The following STARD13 variants were observed in gnomAD, a reference collection of about 807,000 sequenced individuals.
The protein encoded by STARD13 is stAR-related lipid transfer protein 13.
A neutral mutation model predicts 106.4 loss-of-function variants in STARD13; 62 were observed. The ratio of observed to expected loss-of-function variants is 0.58; its 90% confidence interval spans 0.48 to 0.72. The LOEUF (loss-of-function observed/expected upper bound fraction) is 0.72. Among genes scored for constraint, STARD13 ranks in the 30% least tolerant of loss-of-function variants. STARD13 has a pLI of 0.00. For synonymous variants in STARD13, 565 were observed against 553.0 expected (o/e 1.02, Z -0.31); for missense variants, 1,387 against 1,424.0 (o/e 0.97, Z 0.42).
chr13:33,115,131 C>T (rs549964030), intron 8 of STARD13, among the ~76,000 whole-genome samples: 1 of 152,284 alleles, frequency 6.6e-6, no homozygotes, highest in East Asian at 1.9e-4. Flanking sequence ...TTCTATCCTT[C>T]TCCCTCCTCC....
At chr13:33,518,443 C>T in the STARD13 span, among the ~76,000 whole-genome samples, 2 of 152,076 alleles carry the variant, frequency 1.3e-5, no homozygotes, top group East Asian at 1.9e-4. Flanking sequence ...AGATAACATT[C>T]GTGCAGCTCA....
the STARD13 span, among the ~76,000 whole-genome samples, chr13:33,618,252 TATCA>T: frequency 6.6e-6 from 1 of 152,220 alleles, no homozygotes; most frequent in Non-Finnish European, 1.5e-5. Flanking sequence ...CTGAAAAATC[TATCA>T]ATCAACTCTA....
the STARD13 span, among the ~76,000 whole-genome samples, chr13:33,662,059 G>A: frequency 9.9e-5 from 15 of 152,100 alleles, no homozygotes; most frequent in Non-Finnish European, 1.5e-4. Context: ...TCAGGAGATC[G>A]AGACCATCCT....
At chr13:33,650,853 A>G in the STARD13 span, among the ~76,000 whole-genome samples, 1 of 152,266 alleles carries the variant, frequency 6.6e-6, no homozygotes, top group Non-Finnish European at 1.5e-5. Flanking sequence ...CCTTTCTACC[A>G]TGTGAGGACA....
chr13:33,122,775 C>A (rs1876539212), intron 7 of STARD13, among the ~76,000 whole-genome samples: 1 of 152,134 alleles, frequency 6.6e-6, no homozygotes. Flanking sequence ...AAGGACTCAG[C>A]TGGGCACAGT....
the STARD13 span, among the ~76,000 whole-genome samples, chr13:33,493,856 GC>G: frequency 6.6e-6 from 1 of 152,098 alleles, no homozygotes; most frequent in East Asian, 1.9e-4. Context: ...GTTGTTGGCT[GC>G]ACCCAAGGTC....
chr13:33,428,271 G>A, the STARD13 span, among the ~76,000 whole-genome samples: 5 of 152,106 alleles, frequency 3.3e-5, no homozygotes, highest in African/African-American at 1.2e-4. Flanking sequence ...TCTATGCAAG[G>A]ATTTTTTTGA....
the STARD13 span, among the ~76,000 whole-genome samples, chr13:33,614,208 C>A: frequency 6.6e-6 from 1 of 151,808 alleles, no homozygotes; most frequent in African/African-American, 2.4e-5. Context: ...AACCAGAGCT[C>A]CAGTGCTCCA....
chr13:33,529,058 T>C, the STARD13 span, among the ~76,000 whole-genome samples: 1 of 152,126 alleles, frequency 6.6e-6, no homozygotes, highest in Non-Finnish European at 1.5e-5. Flanking sequence ...ACACAAGATA[T>C]TGACAGAACT....
the STARD13 span, among the ~76,000 whole-genome samples, chr13:33,597,991 C>A: frequency 2.1e-3 from 326 of 152,194 alleles, 1 homozygote; most frequent in African/African-American, 7.4e-3. Context: ...TAAGTGAGTG[C>A]CTGAATGATG....
the STARD13 span, among the ~76,000 whole-genome samples, chr13:33,669,724 C>T: frequency 6.6e-6 from 1 of 151,626 alleles, no homozygotes; most frequent in East Asian, 2.0e-4. Context: ...TTAATAGAGA[C>T]TGGGTTTCAT....
At chr13:33,121,681 T>TTTTC (rs1876337493) in intron 7 of STARD13, among the ~76,000 whole-genome samples, 1 of 147,934 alleles carries the variant, frequency 6.8e-6, no homozygotes, top group Non-Finnish European at 1.5e-5. Flanking sequence ...TTTTTTTTTT[T>TTTTC]TTTTTTGAGA....
At chr13:33,347,540 C>A (rs1051415780), downstream of STARD13, among the ~76,000 whole-genome samples, 4 of 152,212 alleles carry the variant, frequency 2.6e-5, no homozygotes, top group African/African-American at 9.6e-5. Flanking sequence ...AGCCACCACG[C>A]CTGACTGCTG....
At chr13:33,533,328 C>T in the STARD13 span, among the ~76,000 whole-genome samples, 1 of 152,132 alleles carries the variant, frequency 6.6e-6, no homozygotes, top group East Asian at 1.9e-4. Context: ...TAGCAGGTCT[C>T]AGCAGTGGGA....
chr13:33,634,766 G>T, the STARD13 span, among the ~76,000 whole-genome samples: 1 of 152,126 alleles, frequency 6.6e-6, no homozygotes, highest in Non-Finnish European at 1.5e-5. Context: ...TCGCTTGGTT[G>T]AATTACCCCA....
chr13:33,542,760 G>A, the STARD13 span, among the ~76,000 whole-genome samples: 1 of 152,246 alleles, frequency 6.6e-6, no homozygotes, highest in Non-Finnish European at 1.5e-5. Context: ...CGAGCGCAAA[G>A]GAAGGGATCC....
chr13:33,484,583 C>T, the STARD13 span, among the ~76,000 whole-genome samples: 1 of 152,074 alleles, frequency 6.6e-6, no homozygotes, highest in Non-Finnish European at 1.5e-5. Flanking sequence ...GCACCCATTC[C>T]CTAGCCCTGA....
chr13:33,642,402 T>C, the STARD13 span, among the ~76,000 whole-genome samples: 1 of 152,234 alleles, frequency 6.6e-6, no homozygotes, highest in East Asian at 1.9e-4. Flanking sequence ...TTGGTGGGCC[T>C]GGAGCAAAGC....
intron 1 of STARD13, among the ~76,000 whole-genome samples, chr13:33,290,875 A>C (rs577302372): frequency 3.3e-5 from 5 of 152,210 alleles, no homozygotes; most frequent in Non-Finnish European, 7.4e-5. Flanking sequence ...TCTTCCACCC[A>C]TGAGACTCAG....
Sources: gnomAD v4.1 joint callset for allele counts (sites outside exome capture counted in the v4.1 genomes callset) on GRCh38, gnomAD v4.1.1 for gene constraint, MANE v1.5 for transcripts, NCBI Gene and HGNC (gene_info 2026-07-23, HGNC 2026-07-21) for gene names.